The following SS18 variants were observed in gnomAD, a reference collection of about 807,000 sequenced individuals.
SS18 encodes protein SSXT.
A neutral mutation model predicts 72.5 loss-of-function variants in SS18; 28 were observed. The observed-to-expected ratio is 0.39, with a 90% confidence interval of 0.29 to 0.53. SS18 has a LOEUF of 0.53. SS18 is among the 20% of genes least tolerant of loss of function. SS18 has a pLI of 0.76. For missense variants in SS18, 518 were observed against 535.3 expected (o/e 0.97, Z 0.32); for synonymous variants, 172 against 164.2 (o/e 1.05, Z -0.37).
intron 5 of SS18, among the ~76,000 whole-genome samples, chr18:26,047,705 T>G (rs924202767): frequency 6.6e-6 from 1 of 152,042 alleles, no homozygotes; most frequent in Admixed American, 6.6e-5. Flanking sequence ...TAGCCGGGCA[T>G]GGTGGCGGGC....
At chr18:26,060,042 C>T (rs2144033444) in intron 3 of SS18, among the ~76,000 whole-genome samples, 1 of 152,298 alleles carries the variant, frequency 6.6e-6, no homozygotes, top group East Asian at 1.9e-4. Flanking sequence ...AACTCCATTC[C>T]TGGTACATAC....
rs112905743 is a variant in SS18 at position 26,063,090 on chromosome 18, T to G, written c.232-5348A>C. 4.0e-3 allele frequency among the ~76,000 whole-genome samples: 611 copies of G among 152,348 alleles called. 1 individual carries two copies. Among genetic ancestry groups the G allele is most frequent in the African/African-American group, 0.011 (453 of 41,576 alleles). On this transcript the variant is annotated intron_variant, in intron 3 of 10. Transcript: ENST00000415083. ...ATTGTTCTCAAGTACTCAAGGAATG[T>G]TGACTGAACTGAATCACATACTGGG...
chr18:26,057,088 T>C (rs777471592), intron 4 of SS18, among the ~76,000 whole-genome samples: 6 of 152,228 alleles, frequency 3.9e-5, no homozygotes, highest in African/African-American at 1.4e-4. Context: ...TATAAACCTA[T>C]GTATTAAAAA....
chr18:26,047,105 C>A (rs1049699738), intron 5 of SS18, among the ~76,000 whole-genome samples: 1 of 151,936 alleles, frequency 6.6e-6, no homozygotes, highest in Non-Finnish European at 1.5e-5. Context: ...TTTCCTCATG[C>A]ACAGAATGAT....
chr18:26,077,643 G>A (rs973017168), intron 3 of SS18, among the ~76,000 whole-genome samples: 4 of 152,006 alleles, frequency 2.6e-5, no homozygotes, highest in East Asian at 1.9e-4. Flanking sequence ...TTTAGATAAC[G>A]GATAAAAATT....
chr18:26,082,269 A>T, intron 2 of SS18: 1 of 562,358 alleles, frequency 1.8e-6, no homozygotes, highest in Non-Finnish European at 2.3e-6. Flanking sequence ...GTAACTCATC[A>T]ATTACTTTGA....
chr18:26,051,978 A>G (rs534083534), intron 5 of SS18, among the ~76,000 whole-genome samples: 1 of 152,306 alleles, frequency 6.6e-6, no homozygotes, highest in East Asian at 1.9e-4. Context: ...ACTTCATTAC[A>G]TTTTGTAACT....
intron 5 of SS18, among the ~76,000 whole-genome samples, chr18:26,041,148 AG>A (rs2143899181): frequency 6.6e-6 from 1 of 152,276 alleles, no homozygotes; most frequent in Non-Finnish European, 1.5e-5. Flanking sequence ...GTAAGCCAGG[AG>A]TGGTGGCTCA....
intron 3 of SS18, among the ~76,000 whole-genome samples, chr18:26,069,507 TAAAAAAAAAAA>T (rs11329781): frequency 2.3e-5 from 2 of 86,020 alleles, no homozygotes; most frequent in Non-Finnish European, 3.0e-5. Flanking sequence ...CCTACCAAAG[TAAAAAAAAAAA>T]AAAAAAAAGA....
chr18:26,037,546 C>T (rs1183402614), intron 7 of SS18, among the ~76,000 whole-genome samples: 12 of 151,892 alleles, frequency 7.9e-5, no homozygotes, highest in Non-Finnish European at 4.4e-5. Context: ...TACAAATGTA[C>T]CTTTATGTTT....
In SS18 at chr18:26,052,495, T is replaced by A. The variant is rs1037174917; in HGVS notation, c.607+129A>T. The A allele has an allele frequency of 5.8e-6, 4 of 689,930 alleles. No homozygotes were observed. In the Admixed American group the frequency reaches 8.3e-5, roughly 14 times the overall value. The allele number at this position is 689,930 out of a possible 1,614,324, so 42.7% of individuals were successfully genotyped here. On this transcript the variant is annotated intron_variant, in intron 5 of 10. Transcript: ENST00000415083. ...TAGCTTCAAACTCAACATCTCCTTT[T>A]TATGGGCATGACTGTCACTCACTTT...
At chr18:26,039,190 AAAAAAG>A in intron 6 of SS18, 93 bp downstream of exon 6, 16 of 962,468 alleles carry the variant, frequency 1.7e-5, no homozygotes, top group Middle Eastern at 3.8e-4. Context: ...AAAAAAAAAA[AAAAAAG>A]AAAACGCCCT....
chr18:26,042,439 G>A (rs2053745430), intron 5 of SS18, among the ~76,000 whole-genome samples: 1 of 152,042 alleles, frequency 6.6e-6, no homozygotes, highest in African/African-American at 2.4e-5. Flanking sequence ...TGTTTTGCAA[G>A]GGCATATAAC....
rs374301113 is a variant in SS18 at position 26,027,628 on chromosome 18, C to T, written c.1230+4771G>A. Among the ~76,000 whole-genome samples, 361 of 134,752 alleles carry T rather than the reference C, an allele frequency of 2.7e-3. 1 individual carries two copies. Among genetic ancestry groups the T allele is most frequent in the Middle Eastern group, 0.013 (3 of 236 alleles). 88.4% of individuals were successfully genotyped at this position (134,752 alleles called of 152,430 possible). ...CGGTGGTTGCAGTGAGCTGAGATCG[C>T]GCCACTGCACACCAGCCTGGTGGTG... On this transcript the variant is annotated intron_variant, in intron 10 of 10. Coordinates refer to ENST00000415083, the MANE Select transcript of SS18 (RefSeq NM_001007559.3).
intron 10 of SS18, among the ~76,000 whole-genome samples, chr18:26,019,932 A>G (rs2053318779): frequency 6.6e-6 from 1 of 152,126 alleles, no homozygotes. Flanking sequence ...GATTTGCTCT[A>G]AAATACTCTG....
intron 5 of SS18, among the ~76,000 whole-genome samples, chr18:26,047,259 C>CA (rs71169806): frequency 0.11 from 8,244 of 72,648 alleles, 240 homozygotes; most frequent in African/African-American, 0.16. Context: ...AGTAATATGC[C>CA]AAAAAAAAAA....
intron 4 of SS18, among the ~76,000 whole-genome samples, chr18:26,053,442 T>G (rs2053958335): frequency 6.6e-6 from 1 of 151,960 alleles, no homozygotes; most frequent in African/African-American, 2.4e-5. Flanking sequence ...TTCTTAAGTA[T>G]GCCAGAAAAC....
At chr18:26,066,184 C>CT (rs1353923628) in intron 3 of SS18, among the ~76,000 whole-genome samples, 4 of 151,972 alleles carry the variant, frequency 2.6e-5, no homozygotes, top group African/African-American at 9.6e-5. Context: ...GGTTTAAGTT[C>CT]TTTAAGGACT....
intron 10 of SS18, among the ~76,000 whole-genome samples, chr18:26,031,248 C>T (rs1567991813): frequency 6.6e-6 from 1 of 152,122 alleles, no homozygotes; most frequent in Non-Finnish European, 1.5e-5. Context: ...AAAAATATTA[C>T]TTATCTGTTC....
Sources: allele counts gnomAD v4.1 joint callset (sites outside exome capture counted in the v4.1 genomes callset), GRCh38; gene constraint gnomAD v4.1.1; transcripts MANE v1.5; gene names NCBI Gene and HGNC (gene_info 2026-07-23, HGNC 2026-07-21).